CCDC171: variants seen among roughly 807,000 people sequenced by gnomAD.
The protein encoded by CCDC171 is coiled-coil domain containing 171, also known as coiled-coil domain-containing protein 171.
A neutral mutation model predicts 168.2 loss-of-function variants in CCDC171; 177 were observed. That is an observed-to-expected ratio of 1.05 (90% CI 0.93 to 1.19). CCDC171 has a LOEUF of 1.19. Among genes scored for constraint, CCDC171 ranks in the 50% most tolerant of loss-of-function variants. The pLI, the probability that CCDC171 is intolerant of heterozygous loss-of-function variation, is 0.00. For missense variants in CCDC171, 1,991 were observed against 1,539.0 expected, an observed-to-expected ratio of 1.29 and a Z score of -4.91; for synonymous variants, 687 against 540.8, an observed-to-expected ratio of 1.27 and a Z score of -3.75.
At position 15,666,178 on chromosome 9, in the gene CCDC171, C is replaced by A. The variant is rs142027816; in HGVS notation, c.931C>A (p.Leu311Ile). Reference sequence around the variant, plus strand: ...CGTCCGGTAGTTACGGATTCGAGACCTTGAAGGAGCTTTGCAAGTAGAGAA... The same window carrying A: ...CGTCCGGTAGTTACGGATTCGAGACATTGAAGGAGCTTTGCAAGTAGAGAA... ...SEIIQLRIRD[L>I]EGALQVEKAS... Residue 311 changes from leucine (L) to isoleucine (I), a missense_variant, in exon 9 of 26, where the codon CTT (leucine) becomes ATT (isoleucine). Transcript: ENST00000380701. 1.2e-5 allele frequency: 19 copies of A among 1,613,538 alleles called. No homozygotes were observed. The Middle Eastern group carries it at 5.0e-4, about 42-fold the overall frequency.
chr9:15,755,113 CTT>C (rs1267822545), intron 18 of CCDC171, among the ~76,000 whole-genome samples: 3 of 152,022 alleles, frequency 2.0e-5, no homozygotes, highest in Non-Finnish European at 4.4e-5. Flanking sequence ...CTTAAAATAC[CTT>C]AATCAAATAG....
intron 11 of CCDC171, among the ~76,000 whole-genome samples, chr9:15,699,283 G>A (rs928691429): frequency 1.3e-5 from 2 of 152,022 alleles, no homozygotes; most frequent in South Asian, 4.2e-4. Flanking sequence ...TCGTGGGCTC[G>A]CTGGCTCAGG....
chr9:16,021,912 T>C (rs1833175844), intron 4 of CCDC171, among the ~76,000 whole-genome samples: 2 of 152,274 alleles, frequency 1.3e-5, no homozygotes, highest in South Asian at 4.1e-4. Flanking sequence ...TGGAATGAGG[T>C]AGAAATGTAC....
intron 9 of CCDC171, among the ~76,000 whole-genome samples, chr9:15,667,576 G>A (rs976991130): frequency 6.6e-6 from 1 of 152,118 alleles, no homozygotes; most frequent in Non-Finnish European, 1.5e-5. Context: ...AACCCGGGAG[G>A]CAGAGGTTGC....
chr9:15,728,391 A>G (rs1332192241), intron 15 of CCDC171, among the ~76,000 whole-genome samples: 2 of 152,220 alleles, frequency 1.3e-5, no homozygotes, highest in Non-Finnish European at 1.5e-5. Context: ...TCTTTATGTT[A>G]GCATAAAATA....
intron 6 of CCDC171, among the ~76,000 whole-genome samples, chr9:16,025,976 C>G (rs1025258920): frequency 6.6e-6 from 1 of 152,150 alleles, no homozygotes; most frequent in African/African-American, 2.4e-5. Flanking sequence ...TTTTAAAAAA[C>G]AAGACAGTCC....
At chr9:16,069,416 C>T in the CCDC171 span, among the ~76,000 whole-genome samples, 2 of 152,148 alleles carry the variant, frequency 1.3e-5, no homozygotes, top group Admixed American at 1.3e-4. Context: ...TGTGCATGTG[C>T]ATGTGCGTGT....
intron 7 of CCDC171, among the ~76,000 whole-genome samples, chr9:15,654,147 G>T (rs1294570836): frequency 6.6e-6 from 1 of 151,362 alleles, no homozygotes; most frequent in Non-Finnish European, 1.5e-5. Flanking sequence ...TTATCCTTTG[G>T]ATTTAAATTA....
At chr9:15,719,037 A>T (rs1215538082) in intron 11 of CCDC171, among the ~76,000 whole-genome samples, 1 of 152,182 alleles carries the variant, frequency 6.6e-6, no homozygotes, top group Non-Finnish European at 1.5e-5. Context: ...GACCTTTCAG[A>T]TAGAGAATTC....
intron 11 of CCDC171, among the ~76,000 whole-genome samples, chr9:15,713,358 C>A (rs148275725): frequency 6.6e-6 from 1 of 151,752 alleles, no homozygotes; most frequent in Non-Finnish European, 1.5e-5. Context: ...AGAGAACTCT[C>A]CATGCATCCA....
chr9:15,597,885 T>G (rs945306393), intron 6 of CCDC171, among the ~76,000 whole-genome samples: 3 of 152,204 alleles, frequency 2.0e-5, no homozygotes, highest in Non-Finnish European at 2.9e-5. Context: ...AGGGTGTATG[T>G]GTCCAGGAAT....
At chr9:15,779,310 C>A (rs1432583515) in intron 20 of CCDC171, among the ~76,000 whole-genome samples, 160 bp downstream of exon 20, 7 of 152,068 alleles carry the variant, frequency 4.6e-5, no homozygotes, top group Non-Finnish European at 1.0e-4. Flanking sequence ...GTCTAAAATG[C>A]CTCTAATTGC....
intron 3 of CCDC171, among the ~76,000 whole-genome samples, chr9:16,014,517 G>A (rs1383073006): frequency 1.3e-5 from 2 of 152,110 alleles, no homozygotes; most frequent in African/African-American, 4.8e-5. Context: ...ATCCTTTCCA[G>A]GATGTTTTCC....
chr9:15,783,268 C>T (rs4146291), intron 20 of CCDC171, among the ~76,000 whole-genome samples: 55,984 of 151,992 alleles, frequency 0.37, 12,831 homozygotes, highest in East Asian at 0.65. Context: ...TGTTGGCCCA[C>T]GAGGAAACTG....
At position 15,678,879 on chromosome 9, in the gene CCDC171, C is replaced by A; in HGVS notation, c.1198C>A (p.Gln400Lys). The change falls in exon 10 of 26, where the codon CAG becomes AAG. Residue 400 changes from glutamine to lysine, a missense_variant. Coordinates refer to ENST00000380701, the MANE Select transcript of CCDC171 (RefSeq NM_173550.4). ...TAATGAAAAAAGTTGCAGTGAATTA[C>A]AGGAAGAACTAGTAATGGTAAGGAT... Reference protein sequence around the residue: ...QYNEKSCSELQEELVMAKKHQ... With the variant: ...QYNEKSCSELKEELVMAKKHQ... 1 of 1,586,102 alleles carries A rather than the reference C, an allele frequency of 6.3e-7. No homozygotes were observed. The highest frequency in any genetic ancestry group is 8.5e-7 in the Non-Finnish European group (1 of 1,170,112).
chr9:15,791,583 T>C (rs933719310), intron 21 of CCDC171, among the ~76,000 whole-genome samples: 9 of 152,320 alleles, frequency 5.9e-5, no homozygotes, highest in African/African-American at 2.2e-4. Context: ...TGAATACCCT[T>C]TATTTCTTTC....
intron 11 of CCDC171, among the ~76,000 whole-genome samples, chr9:15,706,021 G>A (rs1437634750): frequency 1.3e-5 from 2 of 152,140 alleles, no homozygotes; most frequent in South Asian, 2.1e-4. Context: ...TGGAACAGAT[G>A]TACAATCTTT....
chr9:16,065,841 T>C (rs199806313), downstream of CCDC171, among the ~76,000 whole-genome samples: 21 of 149,234 alleles, frequency 1.4e-4, no homozygotes, highest in African/African-American at 4.7e-4. Flanking sequence ...TGTGTGTGTG[T>C]GTGCTGATTA....
At chr9:15,563,105 G>A (rs1024012808) in intron 1 of CCDC171, among the ~76,000 whole-genome samples, 2 of 150,722 alleles carry the variant, frequency 1.3e-5, no homozygotes, top group African/African-American at 4.9e-5. Context: ...TTGGAATCTT[G>A]GTTCTGTAAC....
Sources: allele counts gnomAD v4.1 joint callset (sites outside exome capture counted in the v4.1 genomes callset), GRCh38; gene constraint gnomAD v4.1.1; transcripts MANE v1.5; gene names NCBI Gene and HGNC (gene_info 2026-07-23, HGNC 2026-07-21).